Variants in TRIP10 observed in about 807,000 individuals in gnomAD.
TRIP10 encodes thyroid hormone receptor interactor 10.
A neutral mutation model predicts 80.9 loss-of-function variants in TRIP10; 54 were observed. That is an observed-to-expected ratio of 0.67 (90% CI 0.54 to 0.84). The LOEUF (loss-of-function observed/expected upper bound fraction) is 0.84. Among genes scored for constraint, TRIP10 ranks in the 40% least tolerant of loss-of-function variants. TRIP10 has a pLI of 0.00. For synonymous variants in TRIP10, 321 were observed against 307.2 expected, an observed-to-expected ratio of 1.04 and a Z score of -0.47; for missense variants, 773 against 815.3, an observed-to-expected ratio of 0.95 and a Z score of 0.63.
In TRIP10 at chr19:6,750,362, C is replaced by T. The variant is rs1387507810; in HGVS notation, c.1466C>T (p.Pro489Leu). ...GACAGCCTGAGCCGGCACGCCCGGC[C>T]TCCCGACCCCCCCGCTAGCGCCCCG... ...RGDSLSRHAR[P>L]PDPPASAPPD... The change falls in exon 13 of 15, where the codon CCT (proline) becomes CTT (leucine). Residue 489 changes from proline (P) to leucine (L), a missense_variant. Pro to Leu is a moderately conservative substitution (Grantham distance 98). Transcript: ENST00000313244. The T allele has an allele frequency of 6.2e-7, 1 of 1,614,094 alleles. No individual in the cohort carries two copies. Among genetic ancestry groups the T allele is most frequent in the East Asian group, 2.2e-5 (1 of 44,868 alleles).
chr19:6,749,360 A>G (rs1287594748), intron 11 of TRIP10, among the ~76,000 whole-genome samples: 1 of 152,200 alleles, frequency 6.6e-6, no homozygotes, highest in Non-Finnish European at 1.5e-5. Context: ...CCTCACAGTG[A>G]CCCACATGAG....
intron 3 of TRIP10, among the ~76,000 whole-genome samples, 195 bp from the exon 4 acceptor site, chr19:6,742,772 C>A (rs1306747073): frequency 1.7e-5 from 2 of 117,044 alleles, no homozygotes; most frequent in Non-Finnish European, 3.6e-5. Flanking sequence ...ACAGCAAGAC[C>A]CTGTCTCAAA....
chr19:6,740,899 C>T (rs542834990), intron 1 of TRIP10, 111 bp from the exon 2 acceptor site: 2 of 962,392 alleles, frequency 2.1e-6, no homozygotes, highest in African/African-American at 1.6e-5. Context: ...GCCACTCCTT[C>T]TAGGAGCGCA....
In TRIP10 at chr19:6,746,844, A is replaced by G. The variant is rs1034234026; in HGVS notation, c.1262+283A>G. ...TTTTTAGTAGAGGCGGGGTTTCCCC[A>G]TATTAGCCAGGCTGTCTTGAACTCC... On this transcript the variant is annotated intron_variant, in intron 11 of 14. Transcript: ENST00000313244. This position sits in a 1 kb window ranked among gnomAD's most constrained non-coding sequence, Gnocchi z 6.2. Among the ~76,000 whole-genome samples the G allele has an allele frequency of 1.3e-5, 2 of 152,082 alleles. No homozygotes were observed. The highest frequency in any genetic ancestry group is 2.9e-5 in the Non-Finnish European group (2 of 67,974).
chr19:6,750,003 G>A lies in TRIP10; in HGVS notation c.1332G>A (p.Glu444=). The A allele has an allele frequency of 6.2e-7, 1 of 1,614,068 alleles. No individual in the cohort carries two copies. The highest frequency in any genetic ancestry group is 8.5e-7 in the Non-Finnish European group (1 of 1,180,006). The change falls in exon 12 of 15, where the codon GAG becomes GAA. Residue 444 remains glutamate (E), a synonymous_variant. Transcript: ENST00000313244. ...TPQMGDPASL[E]PQIAETLSNI... is the part of the protein sequence containing the mutation. ...AGATGGGGGACCCCGCCAGCTTGGA[G>A]CCCCAGATCGCTGAAACCCTGAGCA...
Position 6,751,102 on chromosome 19 carries a change from A to T in TRIP10, c.1697A>T (p.Asp566Val). ...ACTATCTCTATGGCCGAGGGTGAAG[A>T]CCTCAGTCTTATGGAAGAAGACAAA... ...EGTISMAEGEDLSLMEEDKGD... is the reference protein window; with the variant it reads ...EGTISMAEGEVLSLMEEDKGD... The change falls in exon 15 of 15, where the codon GAC becomes GTC. Residue 566 changes from aspartate to valine, a missense_variant. Physicochemically the swap from Asp to Val is radical, Grantham distance 152. Transcript: ENST00000313244. 1 of 1,607,380 alleles carries T rather than the reference A, an allele frequency of 6.2e-7. No individual in the cohort carries two copies. The highest frequency in any genetic ancestry group is 8.5e-7 in the Non-Finnish European group (1 of 1,176,176).
chr19:6,745,170 CG>C lies in TRIP10; in HGVS notation c.984+177del. 1.1e-6 allele frequency: 1 copy of C among 883,172 alleles called. No homozygotes were observed. The highest frequency in any genetic ancestry group is 1.7e-6 in the Non-Finnish European group (1 of 605,990). The allele number at this position is 883,172 out of a possible 1,614,324, so 54.7% of individuals were successfully genotyped here. A position where few individuals can be genotyped will look rare whatever the true frequency, so the allele number is the denominator to read the frequency against. ...GCGGCCGATTGGCCTGGGAGTCCCC[CG>C]AGGCGAAGGCGGGGGCAGGGTGGGG... On this transcript the variant is annotated intron_variant, in intron 9 of 14. Transcript: ENST00000313244. The surrounding 1 kb of genome is among the most constrained non-coding windows in gnomAD (Gnocchi z 7.2).
chr19:6,751,298 C>G lies in TRIP10; in HGVS notation c.*87C>G, dbSNP rs1429422509. The G allele has an allele frequency of 2.5e-6, 4 of 1,596,194 alleles. No individual in the cohort carries two copies. Among genetic ancestry groups the G allele is most frequent in the Non-Finnish European group, 2.6e-6 (3 of 1,169,162 alleles). On this transcript the variant is annotated 3_prime_UTR_variant, in exon 15 of 15. Coordinates refer to ENST00000313244, the MANE Select transcript of TRIP10 (RefSeq NM_001288962.2). ...CAGGACCTATGCACTTTATTTCTGA[C>G]CCCGTGGCTTCGGCTGAGACCTGTG...
At chr19:6,741,926 T>C (rs1323591150) in intron 3 of TRIP10, among the ~76,000 whole-genome samples, 1 of 151,942 alleles carries the variant, frequency 6.6e-6, no homozygotes, top group African/African-American at 2.4e-5. Context: ...CAAGCGATTC[T>C]CCTGCCTCAG....
intron 12 of TRIP10, 57 bp downstream of exon 12, chr19:6,750,123 G>A: frequency 2.5e-6 from 4 of 1,576,872 alleles, no homozygotes; most frequent in Non-Finnish European, 3.4e-6. Flanking sequence ...AGTCACTGCT[G>A]GGTGGGGTGG....
rs1969064647 is a variant in TRIP10, at chr19:6,745,002, C to A, written c.984+8C>A. On this transcript the variant is annotated splice_region_variant and intron_variant, in intron 9 of 14. Transcript: ENST00000313244. This position sits in a 1 kb window ranked among gnomAD's most constrained non-coding sequence, Gnocchi z 7.2. ...TTTGGCAAGAAGAACAAGGTGGGGG[C>A]CGGGACCCTTGGGATGGTGGGGGAG... The A allele has an allele frequency of 1.9e-6, 3 of 1,611,410 alleles. No individual in the cohort carries two copies. The highest frequency in any genetic ancestry group is 2.5e-6 in the Non-Finnish European group (3 of 1,178,908).
chr19:6,751,264 G>C lies in TRIP10; in HGVS notation c.*53G>C. On this transcript the variant is annotated 3_prime_UTR_variant, in exon 15 of 15. Transcript: ENST00000313244. The stretch of plus-strand genomic sequence containing the variant: ...CTGTCGGCTGCTGCTTCTGGGCCAC[G>C]GGGAGCCCCAGGACCTATGCACTTT... 6.2e-7 allele frequency: 1 copy of C among 1,612,582 alleles called. No individual in the cohort carries two copies. The highest frequency in any genetic ancestry group is 8.5e-7 in the Non-Finnish European group (1 of 1,179,600).
At position 6,744,820 on chromosome 19, in the gene TRIP10, G is replaced by A; in HGVS notation, c.810G>A (p.Glu270=). ...CCCAGGACTCCCACGTCCTTATAGA[G>A]CTGCACAAGTCAGGTTTTGCCCGCC... is the stretch of plus-strand genomic sequence containing the variant. ...DPKNDSHVLI[E]LHKSGFARPG... The change falls in exon 9 of 15, where the codon GAG becomes GAA. Residue 270 remains glutamate (E), a synonymous_variant. Transcript: ENST00000313244. The surrounding 1 kb of genome is among the most constrained non-coding windows in gnomAD (Gnocchi z 4.9). 3 of 1,614,046 alleles carry A rather than the reference G, an allele frequency of 1.9e-6. No homozygotes were observed. The highest frequency in any genetic ancestry group is 2.5e-6 in the Non-Finnish European group (3 of 1,179,956).
rs1969228627 is a variant in TRIP10 at position 6,749,825 on chromosome 19, T to TGGGGAAAGAGTCAGAATG, written c.1263-108_1263-91dup. The TGGGGAAAGAGTCAGAATG allele has an allele frequency of 2.3e-5, 34 of 1,472,316 alleles. No individual in the cohort carries two copies. In the East Asian group the frequency reaches 7.8e-4, roughly 34 times the overall value. The allele number at this position is 1,472,316 out of a possible 1,614,324, so 91.2% of individuals were successfully genotyped here. ...ATGATTGCACCACTGCACACCAGCC[T>TGGGGAAAGAGTCAGAATG]GGGGAAAGAGTCAGAATGAGACCCT... is the stretch of plus-strand genomic sequence containing the variant. On this transcript the variant is annotated intron_variant, in intron 11 of 14. Coordinates refer to ENST00000313244, the MANE Select transcript of TRIP10 (RefSeq NM_001288962.2).
rs1484197436 is a variant in TRIP10 at position 6,742,828 on chromosome 19, T to C, written c.198-139T>C. 13 of 1,173,908 alleles carry C rather than the reference T, an allele frequency of 1.1e-5. No homozygotes were observed. The East Asian group carries it at 2.9e-4, about 26-fold the overall frequency. 72.7% of individuals were successfully genotyped at this position (1,173,908 alleles called of 1,614,324 possible). A position where few individuals can be genotyped will look rare whatever the true frequency, so the allele number is the denominator to read the frequency against. On this transcript the variant is annotated intron_variant, in intron 3 of 14. Coordinates refer to ENST00000313244, the MANE Select transcript of TRIP10 (RefSeq NM_001288962.2). The stretch of plus-strand genomic sequence containing the variant: ...ACTCAAGGGTTGGGGTTAAGGAATA[T>C]GGACCAGAATTTGTCATCGCTTCAG...
chr19:6,743,566 G>T lies in TRIP10; in HGVS notation c.481G>T (p.Asp161Tyr), dbSNP rs762422168. ...CCAGACTGCTGAACGGCTAGACCAG[G>T]ATATCAACGCCACCAAGGCTGATGT... Reference protein sequence around the residue: ...AAQTAERLDQDINATKADVEK... With the variant: ...AAQTAERLDQYINATKADVEK... The change falls in exon 6 of 15, where the codon GAT becomes TAT. Residue 161 changes from aspartate to tyrosine, a missense_variant. Asp to Tyr is a radical substitution (Grantham distance 160). Transcript: ENST00000313244. 4.0e-6 allele frequency: 6 copies of T among 1,506,156 alleles called. No homozygotes were observed. In the South Asian group the frequency reaches 5.6e-5, roughly 14 times the overall value. The allele number at this position is 1,506,156 out of a possible 1,614,324, so 93.3% of individuals were successfully genotyped here. A position where few individuals can be genotyped will look rare whatever the true frequency, so the allele number is the denominator to read the frequency against.
intron 1 of TRIP10, among the ~76,000 whole-genome samples, chr19:6,740,417 C>A (rs1385538875): frequency 1.3e-5 from 2 of 152,234 alleles, no homozygotes; most frequent in Non-Finnish European, 2.9e-5. Context: ...GACCTCTGAC[C>A]CCTCCCCTTG....
chr19:6,749,980 A>G lies in TRIP10; in HGVS notation c.1309A>G (p.Met437Val). The G allele has an allele frequency of 6.2e-7, 1 of 1,614,184 alleles. No individual in the cohort carries two copies. Among genetic ancestry groups the G allele is most frequent in the Non-Finnish European group, 8.5e-7 (1 of 1,180,038 alleles). Residue 437 changes from methionine to valine, a missense_variant, in exon 12 of 15, where the codon ATG becomes GTG. Met to Val is a conservative substitution (Grantham distance 21, BLOSUM62 1). Coordinates refer to ENST00000313244, the MANE Select transcript of TRIP10 (RefSeq NM_001288962.2). The stretch of plus-strand genomic sequence containing the variant: ...GGATGTCTATGAGAAGACACCTCAG[A>G]TGGGGGACCCCGCCAGCTTGGAGCC... ...MKDVYEKTPQ[M>V]GDPASLEPQI... is the part of the protein sequence containing the mutation.
In TRIP10 at chr19:6,739,754, G is replaced by C; in HGVS notation, c.-8G>C. ...GGTGGTGGCTGCGGCGGCGGCGGCG[G>C]GAGCAGCATGGATTGGGGCACTGAG... On this transcript the variant is annotated 5_prime_UTR_variant, in exon 1 of 15. Coordinates refer to ENST00000313244, the MANE Select transcript of TRIP10 (RefSeq NM_001288962.2). The C allele has an allele frequency of 7.1e-7, 1 of 1,408,790 alleles. No homozygotes were observed. The highest frequency in any genetic ancestry group is 9.3e-7 in the Non-Finnish European group (1 of 1,074,442). The allele number at this position is 1,408,790 out of a possible 1,614,324, so 87.3% of individuals were successfully genotyped here.
Sources: allele counts gnomAD v4.1 joint callset (sites outside exome capture counted in the v4.1 genomes callset), GRCh38; gene constraint gnomAD v4.1.1; non-coding constraint Gnocchi (gnomAD v3.1); transcripts MANE v1.5; gene names NCBI Gene and HGNC (gene_info 2026-07-23, HGNC 2026-07-21).